SLC44A5: variants seen among roughly 807,000 people sequenced by gnomAD.
SLC44A5 encodes solute carrier family 44 member 5.
Under a neutral mutation model 101.8 loss-of-function variants are expected in SLC44A5, and 57 were observed. That is an observed-to-expected ratio of 0.56 (90% CI 0.45 to 0.70). The LOEUF is 0.70. Among genes scored for constraint, SLC44A5 ranks in the 30% least tolerant of loss-of-function variants. The probability of loss-of-function intolerance (pLI) is 0.00; values close to 1 mark genes in which losing one functional copy is unlikely to be tolerated. For missense variants in SLC44A5, 737 were observed against 853.1 expected (o/e 0.86, Z 1.70); for synonymous variants, 281 against 290.9 (o/e 0.97, Z 0.35).
intron 1 of SLC44A5, among the ~76,000 whole-genome samples, chr1:75,562,782 G>GTC (rs1293555829): frequency 5.3e-5 from 8 of 151,996 alleles, no homozygotes; most frequent in Non-Finnish European, 8.8e-5. Context: ...TCCTCTCACA[G>GTC]TCTCTCTTTC....
At chr1:75,615,428 C>T (rs1195533972), upstream of SLC44A5, among the ~76,000 whole-genome samples, 607 of 95,868 alleles carry the variant, frequency 6.3e-3, 7 homozygotes, top group Admixed American at 0.041. Context: ...CACACACACA[C>T]ACATACATAC....
chr1:75,402,504 G>T, intron 2 of SLC44A5: 1 of 325,222 alleles, frequency 3.1e-6, no homozygotes, highest in East Asian at 9.6e-5. Context: ...ATCTCATAGG[G>T]ACTGGTTAGA....
the SLC44A5 span, among the ~76,000 whole-genome samples, chr1:75,698,632 A>G: frequency 1.3e-5 from 2 of 152,250 alleles, no homozygotes; most frequent in African/African-American, 4.8e-5. Flanking sequence ...CCTCACCAGC[A>G]ATGGAACAAA....
intron 2 of SLC44A5, among the ~76,000 whole-genome samples, chr1:75,506,652 T>C (rs1247803358): frequency 6.6e-6 from 1 of 152,106 alleles, no homozygotes; most frequent in Non-Finnish European, 1.5e-5. Context: ...TTGAATGTTA[T>C]TGGTGTAGAA....
chr1:75,294,672 A>G (rs1202709084), intron 5 of SLC44A5, among the ~76,000 whole-genome samples: 1 of 152,156 alleles, frequency 6.6e-6, no homozygotes, highest in Non-Finnish European at 1.5e-5. Context: ...ACACATATAC[A>G]CACAAAATGG....
chr1:75,659,627 CAAAAAAAAA>C, the SLC44A5 span, among the ~76,000 whole-genome samples: 2 of 98,786 alleles, frequency 2.0e-5, no homozygotes, highest in African/African-American at 7.7e-5. Flanking sequence ...CCATCTCTAC[CAAAAAAAAA>C]AAAAAAAAAA....
At chr1:75,695,400 T>G in the SLC44A5 span, among the ~76,000 whole-genome samples, 1 of 152,324 alleles carries the variant, frequency 6.6e-6, no homozygotes, top group African/African-American at 2.4e-5. Flanking sequence ...TGGAGCTGTT[T>G]AATGTGACAT....
chr1:75,643,682 T>C, the SLC44A5 span, among the ~76,000 whole-genome samples: 9 of 152,230 alleles, frequency 5.9e-5, no homozygotes, highest in Non-Finnish European at 1.3e-4. Flanking sequence ...GATCCCATTG[T>C]TTTATAAAAA....
rs139510300 is a variant in SLC44A5 at position 75,584,624 on chromosome 1, G to A, written c.-70+26416C>T. On this transcript the variant is annotated intron_variant, in intron 1 of 23. Coordinates refer to ENST00000370859, the MANE Select transcript of SLC44A5 (RefSeq NM_001130058.2). ...TTTAGTATTTTTGAGACTGAGTTTC[G>A]CTCTGTCACCCAGGCTGGAGTGCAG... is the stretch of plus-strand genomic sequence containing the variant. Among the ~76,000 whole-genome samples the A allele has an allele frequency of 5.6e-3, 856 of 152,006 alleles. 7 individuals carry two copies. The highest frequency in any genetic ancestry group is 0.02 in the African/African-American group (819 of 41,458).
At chr1:75,518,074 G>A (rs1031521909) in intron 2 of SLC44A5, among the ~76,000 whole-genome samples, 9 of 152,106 alleles carry the variant, frequency 5.9e-5, no homozygotes, top group South Asian at 2.1e-4. Context: ...ATATATATTC[G>A]AAGGAATTAA....
the SLC44A5 span, among the ~76,000 whole-genome samples, chr1:75,616,307 C>G: frequency 2.0e-5 from 3 of 152,022 alleles, no homozygotes; most frequent in Non-Finnish European, 4.4e-5. Flanking sequence ...GCTACCGCGC[C>G]GTCATCCAGC....
At chr1:75,454,231 A>C (rs968845196) in intron 2 of SLC44A5, among the ~76,000 whole-genome samples, 1 of 152,178 alleles carries the variant, frequency 6.6e-6, no homozygotes, top group African/African-American at 2.4e-5. Context: ...TTTGGTATAC[A>C]AGTTGGTTCA....
the SLC44A5 span, among the ~76,000 whole-genome samples, chr1:75,628,627 T>C: frequency 6.6e-6 from 1 of 152,086 alleles, no homozygotes; most frequent in Admixed American, 6.6e-5. Flanking sequence ...TGGGAAAAAC[T>C]AAAGCAGCAA....
chr1:75,353,935 G>C (rs2101082824), intron 3 of SLC44A5: 2 of 294,724 alleles, frequency 6.8e-6, no homozygotes, highest in Non-Finnish European at 1.3e-5. Context: ...ATGGGGTAAG[G>C]TAGAACCTAT....
chr1:75,691,219 A>G, the SLC44A5 span, among the ~76,000 whole-genome samples: 1 of 152,222 alleles, frequency 6.6e-6, no homozygotes, highest in South Asian at 2.1e-4. Context: ...AACCTCCCCT[A>G]GCCTGAGAGG....
chr1:75,436,153 C>T (rs1233415260), intron 2 of SLC44A5, among the ~76,000 whole-genome samples: 1 of 152,024 alleles, frequency 6.6e-6, no homozygotes, highest in Non-Finnish European at 1.5e-5. Context: ...ATGTAAACAT[C>T]TTTATCTTTA....
chr1:75,230,538 T>C (rs1299089715), intron 12 of SLC44A5, among the ~76,000 whole-genome samples: 1 of 152,166 alleles, frequency 6.6e-6, no homozygotes, highest in Non-Finnish European at 1.5e-5. Flanking sequence ...TGTGAGCCAC[T>C]GTACCTGGCT....
At chr1:75,445,050 C>T (rs1046647439) in intron 2 of SLC44A5, among the ~76,000 whole-genome samples, 1 of 152,048 alleles carries the variant, frequency 6.6e-6, no homozygotes, top group African/African-American at 2.4e-5. Context: ...TTGGTATTTC[C>T]TCATCTCACT....
intron 6 of SLC44A5, among the ~76,000 whole-genome samples, chr1:75,260,256 A>G (rs1212543541): frequency 1.3e-5 from 2 of 152,160 alleles, no homozygotes; most frequent in Non-Finnish European, 2.9e-5. Flanking sequence ...GTCAACACCC[A>G]TTGGTGTGCT....
Sources: allele counts gnomAD v4.1 joint callset (sites outside exome capture counted in the v4.1 genomes callset), GRCh38; gene constraint gnomAD v4.1.1; transcripts MANE v1.5; gene names NCBI Gene and HGNC (gene_info 2026-07-23, HGNC 2026-07-21).